The following FKTN variants were observed in gnomAD, a reference collection of about 807,000 sequenced individuals.
FKTN encodes the protein fukutin.
Under a neutral mutation model 58.6 loss-of-function variants are expected in FKTN, and 47 were observed. The observed-to-expected ratio is 0.80, with a 90% confidence interval of 0.63 to 1.02. The LOEUF (loss-of-function observed/expected upper bound fraction) is 1.02, where lower values mean the gene tolerates loss of function less well. Ranked by LOEUF, FKTN falls within the 50% of genes least tolerant of loss-of-function variation. The pLI, the probability that FKTN is intolerant of heterozygous loss-of-function variation, is 0.00. For missense variants in FKTN, 516 were observed against 537.3 expected (o/e 0.96, Z 0.39); for synonymous variants, 178 against 191.9 (o/e 0.93, Z 0.60).
In FKTN at chr9:105,640,038, A is replaced by G; in HGVS notation, c.*4774A>G. 6.5e-7 allele frequency: 1 copy of G among 1,532,852 alleles called. No individual in the cohort carries two copies. The highest frequency in any genetic ancestry group is 8.7e-7 in the Non-Finnish European group (1 of 1,144,496). The allele number at this position is 1,532,852 out of a possible 1,614,324, so 95.0% of individuals were successfully genotyped here. ...TGAATGCCTGTATCATTGTTAATAA[A>G]GGAGAATTGAAAATACTCATTTCTA... On this transcript the variant is annotated 3_prime_UTR_variant, in exon 11 of 11. Coordinates refer to ENST00000357998, the MANE Select transcript of FKTN (RefSeq NM_001079802.2).
chr9:105,586,779 A>C (rs1013931582), intron 3 of FKTN, among the ~76,000 whole-genome samples: 3 of 152,248 alleles, frequency 2.0e-5, no homozygotes, highest in African/African-American at 7.2e-5. Flanking sequence ...GATGATAACT[A>C]TCAGTAGCTT....
Position 105,620,002 on chromosome 9 carries a change from T to G in FKTN, c.1113T>G (p.Tyr371Ter). 1 of 1,611,330 alleles carries G rather than the reference T, an allele frequency of 6.2e-7. No individual in the cohort carries two copies. Among genetic ancestry groups the G allele is most frequent in the African/African-American group, 1.3e-5 (1 of 74,946 alleles). ...TAAAACTTGATGTTTTTTTCTTCTA[T>G]GAAGAAACTGATCACATGTGGAATG... is the stretch of plus-strand genomic sequence containing the variant. ...DDVKLDVFFF[Y>*]EETDHMWNGG... The change falls in exon 10 of 11, where the codon TAT (tyrosine) becomes TAG (stop). Residue 371 changes from tyrosine (Y) to a stop codon, truncating the protein, a stop_gained. Coordinates refer to ENST00000357998, the MANE Select transcript of FKTN (RefSeq NM_001079802.2). LOFTEE classifies it high-confidence loss of function.
At chr9:105,624,129 G>A (rs2133291245) in intron 10 of FKTN, among the ~76,000 whole-genome samples, 1 of 152,184 alleles carries the variant, frequency 6.6e-6, no homozygotes, top group East Asian at 1.9e-4. Flanking sequence ...TTCCTAAAAA[G>A]TTATGCAAAA....
intron 10 of FKTN, 92 bp from the exon 11 acceptor site, chr9:105,634,959 C>A: frequency 1.0e-6 from 1 of 966,448 alleles, no homozygotes; most frequent in Non-Finnish European, 1.7e-6. Flanking sequence ...AATGGGAGAG[C>A]ACTGTCCTTC....
chr9:105,624,876 C>T (rs1832561116), intron 10 of FKTN, among the ~76,000 whole-genome samples: 1 of 152,128 alleles, frequency 6.6e-6, no homozygotes, highest in African/African-American at 2.4e-5. Flanking sequence ...AATTAGAAGA[C>T]CTGAATTCAA....
At chr9:105,618,197 T>G (rs1036204918) in intron 9 of FKTN, 105 bp downstream of exon 9, 1 of 941,738 alleles carries the variant, frequency 1.1e-6, no homozygotes, top group Non-Finnish European at 1.7e-6. Context: ...CATAATTTTA[T>G]CACTCAGTAT....
Position 105,638,892 on chromosome 9 carries a change from C to A in FKTN, c.*3628C>A. The A allele has an allele frequency of 1.0e-6, 1 of 985,066 alleles. No homozygotes were observed. The highest frequency in any genetic ancestry group is 1.2e-6 in the Non-Finnish European group (1 of 829,706). The allele number at this position is 985,066 out of a possible 1,614,324, so 61.0% of individuals were successfully genotyped here. A position where few individuals can be genotyped will look rare whatever the true frequency, so the allele number is the denominator to read the frequency against. ...GTACTTCAAATGGCACATAGATAGGCAGGATATTACATAGGTAAGCAGGAA... is the reference window on the plus strand; with the variant it reads ...GTACTTCAAATGGCACATAGATAGGAAGGATATTACATAGGTAAGCAGGAA... On this transcript the variant is annotated 3_prime_UTR_variant, in exon 11 of 11. Coordinates refer to ENST00000357998, the MANE Select transcript of FKTN (RefSeq NM_001079802.2).
chr9:105,564,679 A>G (rs1564187329), intron 1 of FKTN, among the ~76,000 whole-genome samples: 1 of 152,238 alleles, frequency 6.6e-6, no homozygotes, highest in Non-Finnish European at 1.5e-5. Flanking sequence ...CGATTGGTGT[A>G]CCTGAAAGTG....
At chr9:105,625,168 G>A (rs1832595787) in intron 10 of FKTN, among the ~76,000 whole-genome samples, 1 of 152,112 alleles carries the variant, frequency 6.6e-6, no homozygotes, top group Admixed American at 6.6e-5. Flanking sequence ...TTACAGAGAT[G>A]AATATAAACT....
chr9:105,560,109 C>G lies in FKTN; in HGVS notation c.-181+1944C>G, dbSNP rs78265988. 3.9e-3 allele frequency among the ~76,000 whole-genome samples: 593 copies of G among 152,318 alleles called. 6 individuals carry two copies. The highest frequency in any genetic ancestry group is 0.013 in the African/African-American group (539 of 41,560). Reference sequence around the variant, plus strand: ...GATATAATCTCCACTGCCTAATTGTCTACCCAGAAGTGGTATCATTTACAT... The same window carrying G: ...GATATAATCTCCACTGCCTAATTGTGTACCCAGAAGTGGTATCATTTACAT... On this transcript the variant is annotated intron_variant, in intron 1 of 10. Coordinates refer to ENST00000357998, the MANE Select transcript of FKTN (RefSeq NM_001079802.2).
chr9:105,577,257 G>C (rs1166667439), intron 3 of FKTN, among the ~76,000 whole-genome samples: 5 of 146,850 alleles, frequency 3.4e-5, no homozygotes, highest in African/African-American at 7.8e-5. Context: ...CCTATGTCCT[G>C]AATGGTAATG....
At chr9:105,577,940 A>G (rs10816278) in intron 3 of FKTN, among the ~76,000 whole-genome samples, 102,129 of 151,042 alleles carry the variant, frequency 0.68, 35,046 homozygotes, top group African/African-American at 0.76. Context: ...AATTATGAAT[A>G]GGAGTTCACT....
chr9:105,612,191 G>T (rs1180085800), intron 7 of FKTN, among the ~76,000 whole-genome samples: 1 of 151,978 alleles, frequency 6.6e-6, no homozygotes, highest in Non-Finnish European at 1.5e-5. Flanking sequence ...AAAAGTGTCT[G>T]TTCGTGTCCT....
intron 4 of FKTN, among the ~76,000 whole-genome samples, chr9:105,597,390 G>A (rs1827004644): frequency 6.6e-6 from 1 of 152,118 alleles, no homozygotes; most frequent in African/African-American, 2.4e-5. Context: ...TTGAACTACT[G>A]TTTAAAAGTA....
At chr9:105,585,488 C>A (rs1320994423) in intron 3 of FKTN, among the ~76,000 whole-genome samples, 11 of 152,142 alleles carry the variant, frequency 7.2e-5, no homozygotes, top group Non-Finnish European at 1.2e-4. Flanking sequence ...TAATTAGATG[C>A]TAAAGATACC....
intron 5 of FKTN, among the ~76,000 whole-genome samples, chr9:105,603,426 T>A (rs546924947): frequency 1.3e-5 from 2 of 152,340 alleles, no homozygotes; most frequent in South Asian, 4.1e-4. Flanking sequence ...TTTCTAATGA[T>A]TTGCATTATG....
chr9:105,595,355 G>C (rs1826576665), intron 3 of FKTN, among the ~76,000 whole-genome samples: 1 of 152,138 alleles, frequency 6.6e-6, no homozygotes, highest in Non-Finnish European at 1.5e-5. Context: ...TAACATGCTA[G>C]CTCACTAGAA....
At chr9:105,596,527 T>C (rs1826834086) in intron 3 of FKTN, 71 bp from the exon 4 acceptor site, 1 of 932,474 alleles carries the variant, frequency 1.1e-6, no homozygotes, top group Non-Finnish European at 1.8e-6. Flanking sequence ...TTGAATCTCA[T>C]GCCTAACTGA....
chr9:105,571,562 T>C (rs984566523), intron 1 of FKTN, among the ~76,000 whole-genome samples: 6 of 152,214 alleles, frequency 3.9e-5, no homozygotes, highest in African/African-American at 1.2e-4. Flanking sequence ...AAGATATTAA[T>C]TTAGATTTTA....
Sources: gnomAD v4.1 joint callset for allele counts (sites outside exome capture counted in the v4.1 genomes callset) on GRCh38, gnomAD v4.1.1 for gene constraint, MANE v1.5 for transcripts, NCBI Gene and HGNC (gene_info 2026-07-23, HGNC 2026-07-21) for gene names.